ABI2: variants seen among roughly 807,000 people sequenced by gnomAD.
The protein encoded by ABI2 is abelson interactor 2.
A neutral mutation model predicts 59.2 loss-of-function variants in ABI2; 25 were observed. The ratio of observed to expected loss-of-function variants is 0.42; its 90% CI spans 0.31 to 0.59. ABI2 has a LOEUF of 0.59. Ranked by LOEUF, ABI2 falls within the 20% of genes least tolerant of loss-of-function variation. ABI2 has a pLI of 0.14. For missense variants in ABI2, 545 were observed against 681.8 expected (o/e 0.80, Z 2.23); for synonymous variants, 213 against 235.5 (o/e 0.90, Z 0.87).
At chr2:203,353,369 C>A (rs1191536694) in intron 1 of ABI2, among the ~76,000 whole-genome samples, 4 of 152,174 alleles carry the variant, frequency 2.6e-5, no homozygotes, top group Non-Finnish European at 5.9e-5. Flanking sequence ...TATTTAGTAG[C>A]ACAGATTTGA....
intron 1 of ABI2, among the ~76,000 whole-genome samples, chr2:203,334,098 AC>A (rs1325342645): frequency 6.6e-6 from 1 of 151,806 alleles, no homozygotes; most frequent in Non-Finnish European, 1.5e-5. Context: ...GTGTCAGCAT[AC>A]CCAGCTAATT....
chr2:203,399,514 CG>C (rs1245866850), intron 8 of ABI2, among the ~76,000 whole-genome samples: 1 of 148,368 alleles, frequency 6.7e-6, no homozygotes, highest in Non-Finnish European at 1.5e-5. Context: ...ATTTTTTTGG[CG>C]GGGGGAGGAG....
At chr2:203,397,071 T>TAA in intron 8 of ABI2, 104 bp downstream of exon 8, 1 of 1,244,854 alleles carries the variant, frequency 8.0e-7, no homozygotes, top group Non-Finnish European at 1.0e-6. Flanking sequence ...TACTTCGTAT[T>TAA]AAAAAAAAAT....
intron 1 of ABI2, among the ~76,000 whole-genome samples, chr2:203,345,433 G>C (rs2082750651): frequency 6.6e-6 from 1 of 152,238 alleles, no homozygotes; most frequent in African/African-American, 2.4e-5. Flanking sequence ...CTTGAAGTCA[G>C]CCAGACCAAG....
intron 1 of ABI2, among the ~76,000 whole-genome samples, chr2:203,334,436 A>T (rs956853602): frequency 1.3e-5 from 2 of 152,048 alleles, no homozygotes; most frequent in African/African-American, 4.8e-5. Flanking sequence ...AAATGCAGGG[A>T]ATTTAATAGT....
intron 1 of ABI2, among the ~76,000 whole-genome samples, chr2:203,339,516 G>T (rs1284519662): frequency 6.6e-6 from 1 of 151,304 alleles, no homozygotes; most frequent in East Asian, 1.9e-4. Flanking sequence ...GGGAGGCAGA[G>T]GTTGCAGTGA....
chr2:203,407,871 GGTTT>G (rs1350719956), intron 9 of ABI2, among the ~76,000 whole-genome samples: 1 of 152,138 alleles, frequency 6.6e-6, no homozygotes, highest in Non-Finnish European at 1.5e-5. Flanking sequence ...CACTTAAAAT[GGTTT>G]GTTTTCAGCT....
intron 1 of ABI2, among the ~76,000 whole-genome samples, chr2:203,345,361 A>G (rs1169804912): frequency 1.3e-5 from 2 of 152,170 alleles, no homozygotes; most frequent in African/African-American, 4.8e-5. Context: ...CTGAAGGAAC[A>G]AACTCCGGAC....
chr2:203,421,139 T>C (rs770359669), intron 11 of ABI2, among the ~76,000 whole-genome samples: 4 of 152,214 alleles, frequency 2.6e-5, no homozygotes, highest in African/African-American at 4.8e-5. Flanking sequence ...CATCTACTTA[T>C]GTAACTTTTT....
chr2:203,363,380 A>G (rs931209507), intron 1 of ABI2, among the ~76,000 whole-genome samples: 1 of 152,136 alleles, frequency 6.6e-6, no homozygotes, highest in Non-Finnish European at 1.5e-5. Flanking sequence ...GTGCTAGCAA[A>G]TACTAGGTCT....
chr2:203,384,964 A>G (rs1357585425), intron 4 of ABI2, among the ~76,000 whole-genome samples: 1 of 149,774 alleles, frequency 6.7e-6, no homozygotes, highest in Non-Finnish European at 1.5e-5. Context: ...CCTCCCTAGT[A>G]GCTGGGATTG....
At chr2:203,349,486 C>T (rs2086203525) in intron 1 of ABI2, among the ~76,000 whole-genome samples, 1 of 152,140 alleles carries the variant, frequency 6.6e-6, no homozygotes, top group South Asian at 2.1e-4. Context: ...CTCACTGCAA[C>T]CTCTGCCTCC....
At position 203,430,447 on chromosome 2, in the gene ABI2, G is replaced by A. The variant is rs914094902; in HGVS notation, c.*3095G>A. ...GTCTTTTCTTGTCATATTAATACTC[G>A]AAAGTCCATGGTGGTATTAATGAAA... On this transcript the variant is annotated 3_prime_UTR_variant, in exon 12 of 12. Coordinates refer to ENST00000261018, the MANE Select transcript of ABI2 (RefSeq NM_001375670.1). 3.9e-5 allele frequency: 6 copies of A among 152,072 alleles called. No individual in the cohort carries two copies. The highest frequency in any genetic ancestry group is 6.5e-5 in the Admixed American group (1 of 15,268). The allele number at this position is 152,072 out of a possible 1,614,324, so 9.4% of individuals were successfully genotyped here. A position where few individuals can be genotyped will look rare whatever the true frequency, so the allele number is the denominator to read the frequency against.
chr2:203,359,813 A>G (rs1484805035), intron 1 of ABI2, among the ~76,000 whole-genome samples: 1 of 149,248 alleles, frequency 6.7e-6, no homozygotes, highest in Non-Finnish European at 1.5e-5. Context: ...AATACCATCA[A>G]CATCAGTGTT....
chr2:203,395,043 C>T, intron 6 of ABI2, 197 bp downstream of exon 6: 1 of 738,224 alleles, frequency 1.4e-6, no homozygotes, highest in Non-Finnish European at 2.4e-6. Context: ...AAAGAACAGA[C>T]ATCTCAAAGT....
At chr2:203,371,206 C>T (rs943063107) in intron 2 of ABI2, among the ~76,000 whole-genome samples, 2 of 152,178 alleles carry the variant, frequency 1.3e-5, no homozygotes, top group African/African-American at 4.8e-5. Flanking sequence ...CTGCTCTTTA[C>T]CTCAATCTGT....
chr2:203,407,660 T>C (rs562690325), intron 9 of ABI2, among the ~76,000 whole-genome samples: 1 of 152,346 alleles, frequency 6.6e-6, no homozygotes, highest in South Asian at 2.1e-4. Flanking sequence ...AACATTCTTG[T>C]ATATTGTGAA....
chr2:203,331,790 G>C (rs958446064), intron 1 of ABI2, among the ~76,000 whole-genome samples: 3 of 147,628 alleles, frequency 2.0e-5, no homozygotes, highest in Non-Finnish European at 4.5e-5. Flanking sequence ...TGTGTAATAA[G>C]TGTTTTTGCT....
intron 10 of ABI2, among the ~76,000 whole-genome samples, 185 bp from the exon 11 acceptor site, chr2:203,416,723 C>T (rs976479551): frequency 3.3e-5 from 5 of 152,142 alleles, no homozygotes; most frequent in Admixed American, 6.5e-5. Flanking sequence ...AGAGGGAGAA[C>T]GTCATACTTG....
Sources: gnomAD v4.1 joint callset for allele counts (sites outside exome capture counted in the v4.1 genomes callset) on GRCh38, gnomAD v4.1.1 for gene constraint, MANE v1.5 for transcripts, NCBI Gene and HGNC (gene_info 2026-07-23, HGNC 2026-07-21) for gene names.